The following DCC variants were observed in gnomAD, a reference collection of about 807,000 sequenced individuals.
DCC encodes DCC netrin 1 receptor.
In DCC, 58 loss-of-function variants were observed where a neutral mutation model predicts 172.5. That is an observed-to-expected ratio of 0.34 (90% confidence interval 0.27 to 0.42). The LOEUF is 0.42. Among genes scored for constraint, DCC ranks in the 10% least tolerant of loss-of-function variants. The pLI is 1.00. For missense variants in DCC, 1,740 were observed against 1,791.0 expected (o/e 0.97, Z 0.51); for synonymous variants, 709 against 644.5 (o/e 1.10, Z -1.52).
chr18:52,917,137 C>CAAAAAAAAAAAAAAAAAAAAAAAAAA (rs146388621), intron 3 of DCC, among the ~76,000 whole-genome samples: 1 of 94,818 alleles, frequency 1.1e-5, no homozygotes, highest in African/African-American at 3.7e-5. Flanking sequence ...AAAAAGAAAA[C>CAAAAAAAAAAAAAAAAAAAAAAAAAA]AAAAAAAAAA....
Position 52,659,043 on chromosome 18 carries a change from T to C in DCC, c.92-93011T>C, listed in dbSNP as rs9949649. On this transcript the variant is annotated intron_variant, in intron 1 of 28. Transcript: ENST00000442544. ...AAAAGAAAGTTATCTATAATGTTGT[T>C]CTAGCCTGTGGCAACCATCCACTTT... 4.0e-3 allele frequency among the ~76,000 whole-genome samples: 610 copies of C among 152,280 alleles called. 4 individuals carry two copies. The highest frequency in any genetic ancestry group is 0.014 in the African/African-American group (589 of 41,568).
intron 7 of DCC, among the ~76,000 whole-genome samples, chr18:53,153,507 T>A (rs1201826823): frequency 6.6e-6 from 1 of 152,178 alleles, no homozygotes; most frequent in East Asian, 1.9e-4. Flanking sequence ...CGACATGAGA[T>A]ATTCACCTTC....
In DCC at chr18:53,205,202, ATT is replaced by A. The variant is rs113770169; in HGVS notation, c.1574-8_1574-7del. 6.2e-7 allele frequency: 1 copy of A among 1,607,932 alleles called. No homozygotes were observed. The highest frequency in any genetic ancestry group is 8.5e-7 in the Non-Finnish European group (1 of 1,174,658). Reference sequence around the variant, plus strand: ...AATCACTTTTCTTTCTTTCTTTATTATTTTTTTATACAGTGCAAGTTCCAGGG... The same window carrying A: ...AATCACTTTTCTTTCTTTCTTTATTATTTTTATACAGTGCAAGTTCCAGGG... On this transcript the variant is annotated splice_polypyrimidine_tract_variant and intron_variant, in intron 9 of 28. Coordinates refer to ENST00000442544, the MANE Select transcript of DCC (RefSeq NM_005215.4).
chr18:52,494,873 A>C (rs527719231), intron 1 of DCC, among the ~76,000 whole-genome samples: 2 of 152,108 alleles, frequency 1.3e-5, no homozygotes, highest in South Asian at 4.2e-4. Flanking sequence ...ACACCTAGTA[A>C]TTTTTTTATT....
intron 1 of DCC, among the ~76,000 whole-genome samples, chr18:52,749,186 C>G (rs1242500277): frequency 2.0e-5 from 3 of 151,446 alleles, no homozygotes; most frequent in African/African-American, 4.9e-5. Flanking sequence ...AGCCAGACTC[C>G]ATCGCCCAAA....
chr18:52,628,421 T>C lies in DCC; in HGVS notation c.92-123633T>C, dbSNP rs79277133. 3.3e-4 allele frequency among the ~76,000 whole-genome samples: 51 copies of C among 152,358 alleles called. 1 individual carries two copies. The East Asian group carries it at 9.5e-3, about 28-fold the overall frequency. ...ACATGTCATTGCTTTCCTGGGTATA[T>C]TCTGATATATAGTATTTGTTTTTCA... On this transcript the variant is annotated intron_variant, in intron 1 of 28. Coordinates refer to ENST00000442544, the MANE Select transcript of DCC (RefSeq NM_005215.4).
In DCC at chr18:53,182,698, A is replaced by G. The variant is rs72923204; in HGVS notation, c.1573+3582A>G. On this transcript the variant is annotated intron_variant, in intron 9 of 28. Transcript: ENST00000442544. ...GGCAATTTGAAAGTATTTCTAGGAT[A>G]AGGAGCACTTACTTCATCTTCTCCA... 3.0e-3 allele frequency among the ~76,000 whole-genome samples: 461 copies of G among 152,280 alleles called. 1 individual carries two copies. The highest frequency in any genetic ancestry group is 5.5e-3 in the Non-Finnish European group (373 of 67,988).
At chr18:52,631,042 G>A (rs1004089776) in intron 1 of DCC, among the ~76,000 whole-genome samples, 1 of 152,182 alleles carries the variant, frequency 6.6e-6, no homozygotes, top group East Asian at 1.9e-4. Context: ...GGCACCTCTA[G>A]CATCTTAGGT....
At position 53,300,973 on chromosome 18, in the gene DCC, C is replaced by CTT. The variant is rs1425279063; in HGVS notation, c.1912-4603_1912-4602dup. On this transcript the variant is annotated intron_variant, in intron 12 of 28. Coordinates refer to ENST00000442544, the MANE Select transcript of DCC (RefSeq NM_005215.4). ...TTGGTTCTGGATTCATTCTTTCTTTCTTTCTTTCTTTCTTTCTTTTTTTTT... is the reference window on the plus strand; with the variant it reads ...TTGGTTCTGGATTCATTCTTTCTTTCTTTTTCTTTCTTTCTTTCTTTTTTTTT... Among the ~76,000 whole-genome samples, 3 of 125,072 alleles carry CTT rather than the reference C, an allele frequency of 2.4e-5. No homozygotes were observed. The East Asian group carries it at 6.7e-4, about 28-fold the overall frequency. The allele number at this position is 125,072 out of a possible 152,430, so 82.1% of individuals were successfully genotyped here. A position where few individuals can be genotyped will look rare whatever the true frequency, so the allele number is the denominator to read the frequency against.
intron 1 of DCC, among the ~76,000 whole-genome samples, chr18:52,739,125 AC>A (rs1372494406): frequency 6.6e-6 from 1 of 152,116 alleles, no homozygotes; most frequent in Non-Finnish European, 1.5e-5. Context: ...CTGTGATGTC[AC>A]TAGGCAATAG....
intron 2 of DCC, among the ~76,000 whole-genome samples, chr18:52,777,921 G>C (rs2037463266): frequency 6.6e-6 from 1 of 152,154 alleles, no homozygotes; most frequent in Non-Finnish European, 1.5e-5. Flanking sequence ...CAGTGGACAA[G>C]GACAGCAGTC....
intron 1 of DCC, among the ~76,000 whole-genome samples, chr18:52,345,353 T>C (rs1983832827): frequency 6.6e-6 from 1 of 152,208 alleles, no homozygotes; most frequent in African/African-American, 2.4e-5. Flanking sequence ...CATTTACAAT[T>C]CATAAAATGT....
chr18:53,298,309 G>A (rs1019146260), intron 12 of DCC, among the ~76,000 whole-genome samples: 4 of 151,898 alleles, frequency 2.6e-5, no homozygotes, highest in African/African-American at 9.7e-5. Context: ...GGGTGAGCGG[G>A]TGGATCCTTT....
intron 5 of DCC, among the ~76,000 whole-genome samples, chr18:52,968,695 C>A (rs540751957): frequency 4.5e-4 from 68 of 152,236 alleles, no homozygotes; most frequent in Admixed American, 2.8e-3. Flanking sequence ...TGCTTACAGA[C>A]GCAGTGGAAT....
intron 8 of DCC, among the ~76,000 whole-genome samples, chr18:53,163,065 A>C (rs1049093593): frequency 6.6e-6 from 1 of 152,156 alleles, no homozygotes; most frequent in African/African-American, 2.4e-5. Context: ...TTTTGATTAC[A>C]TTACTGTTAT....
chr18:52,843,984 A>G (rs1260902703), intron 2 of DCC, among the ~76,000 whole-genome samples: 1 of 152,114 alleles, frequency 6.6e-6, no homozygotes, highest in East Asian at 1.9e-4. Context: ...GCTGATAAAC[A>G]TCGCTTTTTT....
chr18:53,290,210 C>A (rs905761), intron 12 of DCC, among the ~76,000 whole-genome samples: 1 of 151,950 alleles, frequency 6.6e-6, no homozygotes, highest in African/African-American at 2.4e-5. Context: ...ATTCCATTTA[C>A]CTCATCCCTG....
intron 24 of DCC, among the ~76,000 whole-genome samples, chr18:53,466,119 A>G (rs1182773281): frequency 1.3e-5 from 2 of 152,090 alleles, no homozygotes; most frequent in Non-Finnish European, 2.9e-5. Context: ...TTTTGTTTTT[A>G]GAGATGGGGT....
intron 26 of DCC, among the ~76,000 whole-genome samples, chr18:53,487,257 T>C (rs2144364121): frequency 6.6e-6 from 1 of 152,354 alleles, no homozygotes; most frequent in Non-Finnish European, 1.5e-5. Flanking sequence ...TAATATGTCC[T>C]ATTAAATAGG....
Sources: allele counts gnomAD v4.1 joint callset (sites outside exome capture counted in the v4.1 genomes callset), GRCh38; gene constraint gnomAD v4.1.1; transcripts MANE v1.5; gene names NCBI Gene and HGNC (gene_info 2026-07-23, HGNC 2026-07-21).